Variants in PLPP4 observed in about 807,000 individuals in gnomAD.
PLPP4 encodes the protein phospholipid phosphatase 4.
A neutral mutation model predicts 32.2 loss-of-function variants in PLPP4; 20 were observed. The ratio of observed to expected loss-of-function variants is 0.62; its 90% CI spans 0.44 to 0.90. The LOEUF is 0.90. PLPP4 is among the 40% of genes least tolerant of loss of function. The pLI is 0.00. For missense variants in PLPP4, 257 were observed against 353.1 expected, an observed-to-expected ratio of 0.73 and a Z score of 2.18; for synonymous variants, 127 against 133.0, an observed-to-expected ratio of 0.95 and a Z score of 0.31.
intron 1 of PLPP4, among the ~76,000 whole-genome samples, chr10:120,489,743 A>T (rs547440972): frequency 4.0e-5 from 6 of 150,186 alleles, no homozygotes; most frequent in East Asian, 1.9e-4. Flanking sequence ...AGTTACATTT[A>T]AAAAAAAAAA....
At chr10:120,491,739 T>C (rs2133839301) in intron 1 of PLPP4, among the ~76,000 whole-genome samples, 1 of 152,208 alleles carries the variant, frequency 6.6e-6, no homozygotes, top group Middle Eastern at 3.4e-3. Flanking sequence ...CCTTTTTTGG[T>C]GAAGTCTTTT....
Position 120,590,566 on chromosome 10 carries a change from G to A in PLPP4, c.*1064G>A, listed in dbSNP as rs1321873524. On this transcript the variant is annotated 3_prime_UTR_variant, in exon 7 of 7. Transcript: ENST00000398250. ...AGGAATGTGCTGTGTCTCTCGCTCAGCTCTTTGCATTGTTGAATACAGCCA... is the reference window on the plus strand; with the variant it reads ...AGGAATGTGCTGTGTCTCTCGCTCAACTCTTTGCATTGTTGAATACAGCCA... Among the ~76,000 whole-genome samples, 1 of 152,152 alleles carries A rather than the reference G, an allele frequency of 6.6e-6. No homozygotes were observed. Among genetic ancestry groups the A allele is most frequent in the African/African-American group, 2.4e-5 (1 of 41,430 alleles).
At chr10:120,470,562 T>C (rs1848471530) in intron 1 of PLPP4, among the ~76,000 whole-genome samples, 1 of 152,206 alleles carries the variant, frequency 6.6e-6, no homozygotes, top group African/African-American at 2.4e-5. Context: ...TGTTCTTTAA[T>C]TTTAATTTGC....
At position 120,582,061 on chromosome 10, in the gene PLPP4, A is replaced by C. The variant is rs920809601; in HGVS notation, c.616+6760A>C. ...TTGCTGGCGTCTGCACTAGAATATAATATCCACGTGAGCAGGGATTTAGGT... is the reference window on the plus strand; with the variant it reads ...TTGCTGGCGTCTGCACTAGAATATACTATCCACGTGAGCAGGGATTTAGGT... On this transcript the variant is annotated intron_variant, in intron 6 of 6. Transcript: ENST00000398250. 1.9e-4 allele frequency among the ~76,000 whole-genome samples: 29 copies of C among 152,324 alleles called. 1 individual carries two copies. The highest frequency in any genetic ancestry group is 8.3e-4 in the South Asian group (4 of 4,828).
intron 1 of PLPP4, among the ~76,000 whole-genome samples, chr10:120,494,714 T>A (rs1043942114): frequency 6.6e-6 from 1 of 152,180 alleles, no homozygotes; most frequent in African/African-American, 2.4e-5. Flanking sequence ...GAAGCCCCTC[T>A]TTGGATGATA....
chr10:120,491,309 G>A (rs1042780928), intron 1 of PLPP4, among the ~76,000 whole-genome samples: 10 of 152,190 alleles, frequency 6.6e-5, no homozygotes, highest in Non-Finnish European at 1.2e-4. Context: ...ATCACTCAAA[G>A]TTATTAAGCA....
intron 3 of PLPP4, among the ~76,000 whole-genome samples, chr10:120,514,276 A>C (rs57697676): frequency 0.015 from 2,340 of 152,298 alleles, 58 homozygotes; most frequent in African/African-American, 0.053. Flanking sequence ...GCTCAGGCGC[A>C]GACTCCGGGT....
At chr10:120,580,177 G>C (rs59327467) in intron 6 of PLPP4, among the ~76,000 whole-genome samples, 3 of 149,876 alleles carry the variant, frequency 2.0e-5, no homozygotes, top group African/African-American at 7.4e-5. Flanking sequence ...ACAGCTCTCA[G>C]ATGAACTTCT....
intron 1 of PLPP4, among the ~76,000 whole-genome samples, chr10:120,501,459 C>G (rs1213100674): frequency 6.6e-6 from 1 of 151,948 alleles, no homozygotes; most frequent in Non-Finnish European, 1.5e-5. Context: ...TCTGTCAGGC[C>G]CTACATATAT....
intron 3 of PLPP4, among the ~76,000 whole-genome samples, chr10:120,516,010 A>G (rs1483026371): frequency 1.3e-5 from 2 of 152,170 alleles, no homozygotes. Context: ...ATTGAACATC[A>G]TACTCTGTCT....
chr10:120,462,664 C>T (rs1030445008), intron 1 of PLPP4, among the ~76,000 whole-genome samples: 2 of 152,194 alleles, frequency 1.3e-5, no homozygotes, highest in Non-Finnish European at 2.9e-5. Context: ...ACTGAAGGGG[C>T]GGACGGCCTG....
rs775562888 is a variant in PLPP4, at chr10:120,575,127, G to A, written c.446-4G>A. On this transcript the variant is annotated splice_region_variant and splice_polypyrimidine_tract_variant and intron_variant, in intron 5 of 6. Transcript: ENST00000398250. ...GAGTAACACCTGCTGTTTCTGTTTGGCAGTTGCCTTTTCGGGCCTTGGCTT... is the reference window on the plus strand; with the variant it reads ...GAGTAACACCTGCTGTTTCTGTTTGACAGTTGCCTTTTCGGGCCTTGGCTT... The A allele has an allele frequency of 1.2e-6, 2 of 1,611,888 alleles. No homozygotes were observed. The highest frequency in any genetic ancestry group is 2.2e-5 in the East Asian group (1 of 44,856).
chr10:120,496,483 A>G (rs1240035352), intron 1 of PLPP4, among the ~76,000 whole-genome samples: 3 of 152,128 alleles, frequency 2.0e-5, no homozygotes, highest in Admixed American at 6.5e-5. Context: ...GTGGGAGGCT[A>G]TTTCATGAGA....
chr10:120,516,169 G>A (rs1041080523), intron 3 of PLPP4, among the ~76,000 whole-genome samples: 1 of 152,078 alleles, frequency 6.6e-6, no homozygotes, highest in African/African-American at 2.4e-5. Context: ...CGGAAGTAGC[G>A]GGTGGGAGTG....
intron 5 of PLPP4, among the ~76,000 whole-genome samples, chr10:120,560,028 T>C (rs1031073956): frequency 4.6e-5 from 7 of 152,208 alleles, no homozygotes; most frequent in East Asian, 1.9e-4. Flanking sequence ...CGTGTGGCGC[T>C]GATCACCTTC....
intron 3 of PLPP4, among the ~76,000 whole-genome samples, chr10:120,515,066 G>T (rs905047769): frequency 6.6e-6 from 1 of 152,190 alleles, no homozygotes; most frequent in Non-Finnish European, 1.5e-5. Context: ...CCCTAAAGCA[G>T]CACAGAGAAC....
intron 5 of PLPP4, among the ~76,000 whole-genome samples, chr10:120,552,165 G>GGGGTGTGTGTGTGTGT (rs370982803): frequency 4.3e-5 from 6 of 138,546 alleles, no homozygotes; most frequent in Non-Finnish European, 7.8e-5. Context: ...GTGGTGGTGG[G>GGGGTGTGTGTGTGTGT]GTGTGTGTGT....
intron 5 of PLPP4, among the ~76,000 whole-genome samples, chr10:120,538,052 C>CTCTCTCTCTCTGTGTGTGTG: frequency 5.3e-5 from 1 of 18,994 alleles, no homozygotes; most frequent in South Asian, 2.0e-3. Context: ...CTCTCTCTCT[C>CTCTCTCTCTCTGTGTGTGTG]TGTGTGTGTG....
At chr10:120,576,112 G>A (rs1053377276) in intron 6 of PLPP4, among the ~76,000 whole-genome samples, 1 of 152,232 alleles carries the variant, frequency 6.6e-6, no homozygotes, top group Admixed American at 6.5e-5. Flanking sequence ...ATCTGGAGCA[G>A]TGGCCTAGAA....
Sources: allele counts gnomAD v4.1 joint callset (sites outside exome capture counted in the v4.1 genomes callset), GRCh38; gene constraint gnomAD v4.1.1; transcripts MANE v1.5; gene names NCBI Gene and HGNC (gene_info 2026-07-23, HGNC 2026-07-21).